OTOGL: variants seen among roughly 807,000 people sequenced by gnomAD.
OTOGL encodes the protein otogelin like.
A neutral mutation model predicts 318.5 loss-of-function variants in OTOGL; 285 were observed. The observed-to-expected ratio is 0.89, with a 90% CI of 0.81 to 0.99. OTOGL has a LOEUF of 0.99. OTOGL is among the 50% of genes least tolerant of loss of function. OTOGL has a pLI of 0.00. For missense variants in OTOGL, 2,899 were observed against 2,845.6 expected (o/e 1.02, Z -0.43); for synonymous variants, 987 against 936.5 (o/e 1.05, Z -0.99).
chr12:80,201,515 C>T (rs1055744636), intron 1 of OTOGL, among the ~76,000 whole-genome samples: 8 of 152,156 alleles, frequency 5.3e-5, no homozygotes, highest in Admixed American at 2.6e-4. Flanking sequence ...GTCTGTTCCC[C>T]ATGACCCAAA....
intron 25 of OTOGL, 56 bp downstream of exon 25, chr12:80,278,331 A>G (rs564704142): frequency 2.1e-4 from 279 of 1,316,776 alleles, no homozygotes; most frequent in Non-Finnish European, 2.8e-4. Context: ...GTAAATTTCA[A>G]TCATCTTTTA....
intron 52 of OTOGL, among the ~76,000 whole-genome samples, chr12:80,361,830 G>T (rs1396249101): frequency 6.6e-6 from 1 of 152,030 alleles, no homozygotes; most frequent in Non-Finnish European, 1.5e-5. Context: ...CAGCTTATTT[G>T]TTTTTCTTGA....
intron 1 of OTOGL, among the ~76,000 whole-genome samples, chr12:80,153,176 CT>C (rs1393837927): frequency 6.6e-6 from 1 of 152,090 alleles, no homozygotes; most frequent in African/African-American, 2.4e-5. Context: ...ATTTCTTATT[CT>C]GGAAGTTGGG....
intron 1 of OTOGL, among the ~76,000 whole-genome samples, chr12:80,193,751 G>A (rs933915836): frequency 6.6e-6 from 1 of 152,202 alleles, no homozygotes. Flanking sequence ...GTATAACTGA[G>A]AGGGAGGAAT....
At chr12:80,172,726 C>T (rs1340504568) in intron 1 of OTOGL, among the ~76,000 whole-genome samples, 2 of 152,050 alleles carry the variant, frequency 1.3e-5, no homozygotes, top group African/African-American at 4.8e-5. Flanking sequence ...AGATCATATC[C>T]TTTGCAGGCA....
chr12:80,239,255 A>G (rs1316036516), intron 10 of OTOGL, 78 bp from the exon 11 acceptor site: 3 of 1,173,220 alleles, frequency 2.6e-6, no homozygotes, highest in African/African-American at 3.1e-5. Context: ...AATCTTGCAA[A>G]TAGATCTGTA....
intron 52 of OTOGL, 174 bp from the exon 53 acceptor site, chr12:80,366,400 A>G (rs1016617956): frequency 1.7e-5 from 8 of 470,904 alleles, no homozygotes; most frequent in Non-Finnish European, 3.3e-5. Context: ...TCAGAATCAA[A>G]CAATATGATT....
rs181012567 is a variant in OTOGL, at chr12:80,369,177, T to C, written c.6615+868T>C. Among the ~76,000 whole-genome samples, 318 of 152,176 alleles carry C rather than the reference T, an allele frequency of 2.1e-3. 1 individual carries two copies. Among genetic ancestry groups the C allele is most frequent in the Non-Finnish European group, 2.8e-3 (193 of 67,950 alleles). On this transcript the variant is annotated intron_variant, in intron 55 of 58. Transcript: ENST00000547103. ...TTCTCAGCTTTGACATAATTAAATA[T>C]GCAAACAAATTAGAAACACATATTT...
At chr12:80,267,190 C>A in intron 21 of OTOGL, 63 bp from the exon 22 acceptor site, 2 of 1,080,002 alleles carry the variant, frequency 1.9e-6, no homozygotes, top group African/African-American at 1.6e-5. Context: ...ACAAGGTCAG[C>A]TTGAATTTTA....
intron 46 of OTOGL, among the ~76,000 whole-genome samples, chr12:80,355,183 A>C (rs139058042): frequency 6.6e-6 from 1 of 151,602 alleles, no homozygotes; most frequent in Non-Finnish European, 1.5e-5. Context: ...TGTAAAAGGA[A>C]AGAAATTTTT....
chr12:80,280,682 G>C (rs1352249233), intron 26 of OTOGL, among the ~76,000 whole-genome samples: 3 of 151,804 alleles, frequency 2.0e-5, no homozygotes, highest in African/African-American at 7.3e-5. Flanking sequence ...TGCTGTTTTG[G>C]TTGTTGTAGT....
chr12:80,127,180 C>T (rs1328369575), intron 1 of OTOGL, among the ~76,000 whole-genome samples: 5 of 152,070 alleles, frequency 3.3e-5, no homozygotes, highest in East Asian at 3.8e-4. Flanking sequence ...TGGCTGGTAC[C>T]GGTTTTTCCT....
chr12:80,239,545 G>A (rs1043696114), intron 11 of OTOGL, 106 bp downstream of exon 11: 21 of 773,280 alleles, frequency 2.7e-5, no homozygotes, highest in Middle Eastern at 3.7e-4. Flanking sequence ...AAATATTATG[G>A]GAAATGTAAA....
intron 1 of OTOGL, among the ~76,000 whole-genome samples, chr12:80,164,499 A>G (rs1873715540): frequency 6.6e-6 from 1 of 152,146 alleles, no homozygotes; most frequent in Non-Finnish European, 1.5e-5. Flanking sequence ...AATTTGTTTC[A>G]TCTAAGCTTC....
At chr12:80,224,811 T>G (rs1180213022) in intron 7 of OTOGL, among the ~76,000 whole-genome samples, 11 of 152,058 alleles carry the variant, frequency 7.2e-5, no homozygotes, top group Admixed American at 7.2e-4. Context: ...AGGCTACAAA[T>G]CTTCGTGACC....
Position 80,169,089 on chromosome 12 carries a change from C to T in OTOGL, c.-19-40324C>T, listed in dbSNP as rs979782573. On this transcript the variant is annotated intron_variant, in intron 1 of 58. Transcript: ENST00000547103. ...TAGATTTTTTTTTCTTAGAATAGCT[C>T]AGTTTCTAACAGTGTACAGTGTAAT... Among the ~76,000 whole-genome samples the T allele has an allele frequency of 2.0e-5, 3 of 152,104 alleles. No homozygotes were observed. The East Asian group carries it at 5.8e-4, about 29-fold the overall frequency.
chr12:80,274,731 G>T (rs1883667182), intron 24 of OTOGL, among the ~76,000 whole-genome samples: 1 of 151,986 alleles, frequency 6.6e-6, no homozygotes, highest in East Asian at 1.9e-4. Flanking sequence ...TGACTCTCTT[G>T]TTAGGGGCTA....
At chr12:80,107,142 C>T (rs571688907) in intron 1 of OTOGL, among the ~76,000 whole-genome samples, 1 of 152,194 alleles carries the variant, frequency 6.6e-6, no homozygotes, top group Non-Finnish European at 1.5e-5. Context: ...ATATTAGTTT[C>T]CTATTTCTGC....
At chr12:80,307,839 C>T (rs1388271273) in intron 29 of OTOGL, among the ~76,000 whole-genome samples, 1 of 140,422 alleles carries the variant, frequency 7.1e-6, no homozygotes, top group African/African-American at 2.9e-5. Flanking sequence ...CCCTCACCTC[C>T]CGGACAGGGC....
Sources: allele counts gnomAD v4.1 joint callset (sites outside exome capture counted in the v4.1 genomes callset), GRCh38; gene constraint gnomAD v4.1.1; transcripts MANE v1.5; gene names NCBI Gene and HGNC (gene_info 2026-07-23, HGNC 2026-07-21).